Variants in TMEM135 observed in about 807,000 individuals in gnomAD.
The protein encoded by TMEM135 is peroxisomal membrane protein 52.
Under a neutral mutation model 60.3 loss-of-function variants are expected in TMEM135, and 30 were observed. The ratio of observed to expected loss-of-function variants is 0.50; its 90% CI spans 0.37 to 0.68. The LOEUF is 0.68. Ranked by LOEUF, TMEM135 falls within the 30% of genes least tolerant of loss-of-function variation. The pLI is 0.00. For missense variants in TMEM135, 468 were observed against 548.8 expected, an observed-to-expected ratio of 0.85 and a Z score of 1.47; for synonymous variants, 190 against 186.7, an observed-to-expected ratio of 1.02 and a Z score of -0.14.
chr11:87,280,411 CCA>C (rs1303248365), intron 6 of TMEM135, among the ~76,000 whole-genome samples: 1 of 152,128 alleles, frequency 6.6e-6, no homozygotes, highest in African/African-American at 2.4e-5. Context: ...GTGACATGTG[CCA>C]GTCTTTCTCC....
At chr11:87,183,303 T>C (rs75896279) in intron 5 of TMEM135, among the ~76,000 whole-genome samples, 44,712 of 151,160 alleles carry the variant, frequency 0.3, 7,031 homozygotes, top group African/African-American at 0.38. Context: ...CCACCACGCC[T>C]GGTTAATTTT....
At chr11:87,237,599 A>T (rs1941028441) in intron 6 of TMEM135, among the ~76,000 whole-genome samples, 1 of 152,000 alleles carries the variant, frequency 6.6e-6, no homozygotes. Flanking sequence ...TTGTGGGGAC[A>T]TAGTAGTTGT....
At chr11:87,280,405 CAT>C (rs1445245906) in intron 6 of TMEM135, among the ~76,000 whole-genome samples, 3 of 152,184 alleles carry the variant, frequency 2.0e-5, no homozygotes, top group East Asian at 3.9e-4. Context: ...CATGGTGTGA[CAT>C]GTGCCAGTCT....
At position 87,081,290 on chromosome 11, in the gene TMEM135, T is replaced by C. The variant is rs147654398; in HGVS notation, c.362+9675T>C. 3.1e-4 allele frequency among the ~76,000 whole-genome samples: 40 copies of C among 129,818 alleles called. No homozygotes were observed. In the East Asian group the frequency reaches 0.011, roughly 34 times the overall value. The allele number at this position is 129,818 out of a possible 152,430, so 85.2% of individuals were successfully genotyped here. A position where few individuals can be genotyped will look rare whatever the true frequency, so the allele number is the denominator to read the frequency against. On this transcript the variant is annotated intron_variant, in intron 3 of 14. Transcript: ENST00000305494. The stretch of plus-strand genomic sequence containing the variant: ...TGTCTGTTCCTCCTTACTTCCTTTG[T>C]ATTGTTTGATTTTTTTTGTTTTGTT...
intron 6 of TMEM135, among the ~76,000 whole-genome samples, chr11:87,290,054 C>G (rs1047840849): frequency 1.3e-5 from 2 of 152,212 alleles, no homozygotes; most frequent in Admixed American, 1.3e-4. Context: ...TTCTCCCATT[C>G]TGTAGATTGC....
At chr11:87,066,779 C>CTTTTTTTTTTTTTTTTTTTTTTTT (rs201355341) in intron 1 of TMEM135, among the ~76,000 whole-genome samples, 1 of 129,178 alleles carries the variant, frequency 7.7e-6, no homozygotes. Flanking sequence ...TTACTAGATT[C>CTTTTTTTTTTTTTTTTTTTTTTTT]TTTCTTTTTT....
intron 3 of TMEM135, among the ~76,000 whole-genome samples, chr11:87,085,243 G>T (rs894641397): frequency 3.9e-5 from 6 of 152,154 alleles, no homozygotes; most frequent in African/African-American, 1.4e-4. Context: ...ACCCTTCAGA[G>T]ATAATATTCT....
intron 5 of TMEM135, among the ~76,000 whole-genome samples, chr11:87,160,698 A>G (rs1452714004): frequency 6.6e-6 from 1 of 152,210 alleles, no homozygotes; most frequent in Admixed American, 6.5e-5. Flanking sequence ...ACTTTTATGC[A>G]TTCTAATTAT....
intron 6 of TMEM135, among the ~76,000 whole-genome samples, chr11:87,285,760 G>A (rs1333405454): frequency 6.6e-6 from 1 of 152,190 alleles, no homozygotes; most frequent in African/African-American, 2.4e-5. Context: ...GCTGACTCTG[G>A]CAGCTTGCTT....
intron 6 of TMEM135, among the ~76,000 whole-genome samples, chr11:87,280,250 T>G (rs901170223): frequency 6.6e-6 from 1 of 152,190 alleles, no homozygotes; most frequent in Non-Finnish European, 1.5e-5. Flanking sequence ...AGATTATAAT[T>G]TAAAAATAAA....
At chr11:87,191,740 G>A (rs559662761) in intron 5 of TMEM135, among the ~76,000 whole-genome samples, 2 of 152,210 alleles carry the variant, frequency 1.3e-5, no homozygotes, top group African/African-American at 2.4e-5. Flanking sequence ...GATATGTGTT[G>A]TGTAGTTTCT....
chr11:87,151,981 C>G (rs75249576), intron 4 of TMEM135, among the ~76,000 whole-genome samples: 9,383 of 152,170 alleles, frequency 0.062, 467 homozygotes, highest in African/African-American at 0.14. Flanking sequence ...CGGTGTCTAA[C>G]TGGGTAGACA....
intron 1 of TMEM135, 69 bp downstream of exon 1, chr11:87,038,255 C>T (rs1308619867): frequency 1.3e-5 from 20 of 1,598,994 alleles, no homozygotes; most frequent in Non-Finnish European, 1.7e-5. Flanking sequence ...GCAGTTGGTG[C>T]TCCCGAGGGG....
intron 6 of TMEM135, among the ~76,000 whole-genome samples, chr11:87,257,962 C>G (rs960370032): frequency 3.9e-5 from 6 of 152,216 alleles, no homozygotes; most frequent in African/African-American, 1.4e-4. Context: ...CAGATACAAA[C>G]TGACCACAAG....
chr11:87,288,408 T>C (rs535584334), intron 6 of TMEM135, among the ~76,000 whole-genome samples: 1 of 152,176 alleles, frequency 6.6e-6, no homozygotes, highest in Non-Finnish European at 1.5e-5. Flanking sequence ...ATAAGTTTTA[T>C]AAAATGATAA....
chr11:87,137,800 ATGT>A (rs1441679145), intron 4 of TMEM135, among the ~76,000 whole-genome samples: 2 of 152,162 alleles, frequency 1.3e-5, no homozygotes, highest in Non-Finnish European at 2.9e-5. Flanking sequence ...ATAACATAGT[ATGT>A]TGTTACGTCA....
chr11:87,113,961 A>G (rs889502727), intron 4 of TMEM135, among the ~76,000 whole-genome samples: 1 of 152,018 alleles, frequency 6.6e-6, no homozygotes, highest in Non-Finnish European at 1.5e-5. Context: ...TATTATTGCT[A>G]TTGTCATTGT....
intron 6 of TMEM135, among the ~76,000 whole-genome samples, chr11:87,243,259 T>C (rs1232200424): frequency 7.1e-6 from 1 of 140,560 alleles, no homozygotes; most frequent in African/African-American, 2.7e-5. Flanking sequence ...ACTGTAGCCT[T>C]GTAGTATAGT....
intron 10 of TMEM135, among the ~76,000 whole-genome samples, chr11:87,312,948 C>CCTT (rs1213452280): frequency 6.6e-6 from 1 of 151,898 alleles, no homozygotes; most frequent in Non-Finnish European, 1.5e-5. Flanking sequence ...GTGTCATATT[C>CCTT]CTTCTACCTT....
Sources: gnomAD v4.1 joint callset for allele counts (sites outside exome capture counted in the v4.1 genomes callset) on GRCh38, gnomAD v4.1.1 for gene constraint, MANE v1.5 for transcripts, NCBI Gene and HGNC (gene_info 2026-07-23, HGNC 2026-07-21) for gene names.